PRIM2: variants seen among roughly 807,000 people sequenced by gnomAD.
PRIM2 encodes the protein DNA primase large subunit.
Under a neutral mutation model 67.3 loss-of-function variants are expected in PRIM2, and 39 were observed. That is an observed-to-expected ratio of 0.58 (90% CI 0.45 to 0.76). The LOEUF (loss-of-function observed/expected upper bound fraction) is 0.76, where lower values mean the gene tolerates loss of function less well. Ranked by LOEUF, PRIM2 falls within the 30% of genes least tolerant of loss-of-function variation. PRIM2 has a pLI of 0.00. For missense variants in PRIM2, 398 were observed against 598.7 expected (o/e 0.66, Z 3.50); for synonymous variants, 143 against 198.7 (o/e 0.72, Z 2.36).
chr6:57,503,886 C>T (rs1774198118), intron 7 of PRIM2, among the ~76,000 whole-genome samples: 2 of 152,164 alleles, frequency 1.3e-5, no homozygotes, highest in South Asian at 4.1e-4. Context: ...GGGAAGGCCT[C>T]TGTGAGGAGG....
At chr6:57,546,174 C>T (rs1409765591) in intron 10 of PRIM2, among the ~76,000 whole-genome samples, 7 of 152,160 alleles carry the variant, frequency 4.6e-5, no homozygotes, top group Non-Finnish European at 8.8e-5. Context: ...GTAAAGTTTC[C>T]ACTTGGTTCA....
intron 7 of PRIM2, among the ~76,000 whole-genome samples, chr6:57,500,538 C>T (rs1261005382): frequency 6.6e-6 from 1 of 152,126 alleles, no homozygotes; most frequent in Admixed American, 6.6e-5. Flanking sequence ...AGGCAGTGTT[C>T]CAAAGTGTAA....
intron 7 of PRIM2, among the ~76,000 whole-genome samples, chr6:57,475,974 G>A (rs1773468602): frequency 6.6e-6 from 1 of 152,112 alleles, no homozygotes; most frequent in Admixed American, 6.6e-5. Context: ...TTTGTGATTT[G>A]TGGCTACCAG....
chr6:57,262,291 C>T, the PRIM2 span, among the ~76,000 whole-genome samples: 29 of 152,244 alleles, frequency 1.9e-4, no homozygotes, highest in Admixed American at 1.6e-3. Flanking sequence ...CGTGCCTGAC[C>T]CATGTGTTCC....
At chr6:57,580,169 G>A (rs1201930926) in intron 10 of PRIM2, among the ~76,000 whole-genome samples, 1 of 152,068 alleles carries the variant, frequency 6.6e-6, no homozygotes, top group Non-Finnish European at 1.5e-5. Context: ...GCCTTTGAGA[G>A]GCCCAGGACA....
chr6:57,544,437 A>G (rs1775244716), intron 10 of PRIM2, among the ~76,000 whole-genome samples: 1 of 152,198 alleles, frequency 6.6e-6, no homozygotes, highest in Non-Finnish European at 1.5e-5. Context: ...TTTGATCAAC[A>G]TAAATTTTAA....
At chr6:57,430,447 G>GTTTTTTTTTTTTTTTT (rs71687266) in intron 7 of PRIM2, among the ~76,000 whole-genome samples, 2 of 78,136 alleles carry the variant, frequency 2.6e-5, no homozygotes, top group Non-Finnish European at 5.0e-5. Context: ...TTCTTTCTTT[G>GTTTTTTTTTTTTTTTT]TTTTTTTTTT....
the PRIM2 span, among the ~76,000 whole-genome samples, chr6:57,227,135 T>C: frequency 6.6e-6 from 1 of 152,174 alleles, no homozygotes; most frequent in African/African-American, 2.4e-5. Context: ...TGAAATACTC[T>C]TAGTATACTG....
At chr6:57,454,477 G>T (rs1204713882) in intron 7 of PRIM2, among the ~76,000 whole-genome samples, 1 of 152,122 alleles carries the variant, frequency 6.6e-6, no homozygotes, top group African/African-American at 2.4e-5. Context: ...CCTGTTATTG[G>T]TCTATTCAGA....
At chr6:57,583,061 G>T (rs2127485599) in intron 10 of PRIM2, among the ~76,000 whole-genome samples, 1 of 150,032 alleles carries the variant, frequency 6.7e-6, no homozygotes, top group Non-Finnish European at 1.5e-5. Context: ...CCTTGCGATG[G>T]TTTACTGAGA....
chr6:57,392,791 A>G (rs1770396701), intron 7 of PRIM2, among the ~76,000 whole-genome samples: 1 of 152,014 alleles, frequency 6.6e-6, no homozygotes, highest in African/African-American at 2.4e-5. Flanking sequence ...CGAGCAGTAT[A>G]CGCTACACCA....
chr6:57,273,220 A>G, the PRIM2 span, among the ~76,000 whole-genome samples: 2,796 of 152,048 alleles, frequency 0.018, 91 homozygotes, highest in African/African-American at 0.064. Context: ...CCTGCAGAAT[A>G]TTTTCCAACT....
At chr6:57,638,576 C>CAAAA (rs1227220865) in intron 13 of PRIM2, among the ~76,000 whole-genome samples, 61 of 32,008 alleles carry the variant, frequency 1.9e-3, no homozygotes, top group Middle Eastern at 0.036. Context: ...AAACAGAAAG[C>CAAAA]AAAAAAAAAA....
chr6:57,516,204 C>G (rs1440577720), intron 8 of PRIM2, among the ~76,000 whole-genome samples: 11 of 152,096 alleles, frequency 7.2e-5, no homozygotes, highest in African/African-American at 2.7e-4. Context: ...ATCTTTTCAT[C>G]TAAGATCCTT....
chr6:57,295,117 C>T, the PRIM2 span, among the ~76,000 whole-genome samples: 1 of 152,138 alleles, frequency 6.6e-6, no homozygotes, highest in Admixed American at 6.5e-5. Context: ...TTGATACCAA[C>T]TTTATTTTTC....
chr6:57,629,011 C>T (rs2127498894), intron 12 of PRIM2, among the ~76,000 whole-genome samples: 1 of 152,276 alleles, frequency 6.6e-6, no homozygotes, highest in South Asian at 2.1e-4. Context: ...GCTTCATTTC[C>T]TTCACCTGAT....
chr6:57,410,185 G>A (rs1272589884), intron 7 of PRIM2, among the ~76,000 whole-genome samples: 8 of 151,948 alleles, frequency 5.3e-5, no homozygotes, highest in Admixed American at 5.2e-4. Context: ...TTAACCGGCT[G>A]TGGTGGCGGG....
chr6:57,402,932 G>A (rs1218981848), intron 7 of PRIM2, among the ~76,000 whole-genome samples: 3 of 152,054 alleles, frequency 2.0e-5, no homozygotes, highest in Non-Finnish European at 2.9e-5. Flanking sequence ...AGCTACTGGT[G>A]TTATTGTTGG....
chr6:57,495,040 ATAAT>A (rs1343262617), intron 7 of PRIM2, among the ~76,000 whole-genome samples: 17 of 152,246 alleles, frequency 1.1e-4, no homozygotes, highest in African/African-American at 3.9e-4. Flanking sequence ...GGAAAGTTTT[ATAAT>A]TAATCACAAG....
Sources: allele counts gnomAD v4.1 joint callset (sites outside exome capture counted in the v4.1 genomes callset), GRCh38; gene constraint gnomAD v4.1.1; transcripts MANE v1.5; gene names NCBI Gene and HGNC (gene_info 2026-07-23, HGNC 2026-07-21).